ARHGAP40: variants seen among roughly 807,000 people sequenced by gnomAD.
The protein encoded by ARHGAP40 is rho GTPase-activating protein 40.
Under a neutral mutation model 73.5 loss-of-function variants are expected in ARHGAP40, and 43 were observed. The ratio of observed to expected loss-of-function variants is 0.58; its 90% CI spans 0.46 to 0.75. ARHGAP40 has a LOEUF of 0.75. Among genes scored for constraint, ARHGAP40 ranks in the 30% least tolerant of loss-of-function variants. The probability of loss-of-function intolerance (pLI) is 0.00; values close to 1 mark genes in which losing one functional copy is unlikely to be tolerated. For synonymous variants in ARHGAP40, 300 were observed against 352.8 expected, an observed-to-expected ratio of 0.85 and a Z score of 1.68; for missense variants, 734 against 861.8, an observed-to-expected ratio of 0.85 and a Z score of 1.86.
chr20:38,634,012 G>A (rs2088957790), intron 5 of ARHGAP40, among the ~76,000 whole-genome samples: 1 of 152,180 alleles, frequency 6.6e-6, no homozygotes, highest in African/African-American at 2.4e-5. Flanking sequence ...CTATGTGCTT[G>A]GGACTGTACC....
At chr20:38,605,401 A>T (rs2088765634) in intron 1 of ARHGAP40, among the ~76,000 whole-genome samples, 1 of 152,154 alleles carries the variant, frequency 6.6e-6, no homozygotes, top group South Asian at 2.1e-4. Context: ...CTGAGCAGGG[A>T]TGAATAGAGT....
intron 5 of ARHGAP40, among the ~76,000 whole-genome samples, chr20:38,630,060 TTTTCTTTC>T (rs371088762): frequency 2.1e-5 from 3 of 140,426 alleles, no homozygotes; most frequent in Non-Finnish European, 4.8e-5. Context: ...CCTCCTTCTT[TTTTCTTTC>T]TTTCTTTCTT....
intron 1 of ARHGAP40, among the ~76,000 whole-genome samples, chr20:38,616,236 C>T (rs1447937657): frequency 1.3e-5 from 2 of 152,276 alleles, no homozygotes; most frequent in African/African-American, 2.4e-5. Context: ...AGATTCCCTG[C>T]TCAGCAAAGT....
chr20:38,641,072 G>A (rs2089015340), intron 9 of ARHGAP40, among the ~76,000 whole-genome samples: 1 of 148,130 alleles, frequency 6.8e-6, no homozygotes, highest in Admixed American at 6.7e-5. Context: ...GAGAAGGAAA[G>A]AAGGGAAGGA....
chr20:38,647,126 A>G, exon 13 of ARHGAP40: 1 of 1,303,548 alleles, frequency 7.7e-7, no homozygotes, highest in Non-Finnish European at 1.0e-6. Flanking sequence ...CTCCTTCTAC[A>G]GTAAGAGGCA....
exon 5 of ARHGAP40, chr20:38,629,517 G>T (rs1459220241): frequency 7.7e-7 from 1 of 1,305,276 alleles, no homozygotes; most frequent in Non-Finnish European, 1.0e-6. Flanking sequence ...GAGCCTGGGG[G>T]GCTGCAGGAG....
chr20:38,647,131 G>A lies in ARHGAP40; in HGVS notation c.1880+5G>A, dbSNP rs1350829318. On this transcript the variant is annotated splice_donor_5th_base_variant and intron_variant, in intron 13 of 14. Transcript: ENST00000373345. ...CATGGACAGCCTCCTTCTACAGTAA[G>A]AGGCACCTCCTGGAGGCAGGAGCCT... 2 of 1,303,270 alleles carry A rather than the reference G, an allele frequency of 1.5e-6. No homozygotes were observed. The highest frequency in any genetic ancestry group is 2.5e-5 in the South Asian group (2 of 80,882). The allele number at this position is 1,303,270 out of a possible 1,614,324, so 80.7% of individuals were successfully genotyped here.
At chr20:38,607,008 C>T (rs763765095) in intron 1 of ARHGAP40, among the ~76,000 whole-genome samples, 2 of 152,166 alleles carry the variant, frequency 1.3e-5, no homozygotes, top group African/African-American at 2.4e-5. Context: ...TTGTGAACAG[C>T]GGTACCTGCT....
At chr20:38,635,026 T>G (rs2088965446) in intron 6 of ARHGAP40, among the ~76,000 whole-genome samples, 2 of 151,886 alleles carry the variant, frequency 1.3e-5, no homozygotes, top group Admixed American at 1.3e-4. Context: ...AGACTACAGG[T>G]GCGCACCACC....
At chr20:38,602,374 G>A (rs575445528) in intron 1 of ARHGAP40, among the ~76,000 whole-genome samples, 9 of 145,326 alleles carry the variant, frequency 6.2e-5, no homozygotes, top group African/African-American at 2.0e-4. Flanking sequence ...CGTGAGTGAC[G>A]CCAGTATGTG....
intron 1 of ARHGAP40, among the ~76,000 whole-genome samples, chr20:38,606,887 G>A (rs2088773088): frequency 1.3e-5 from 2 of 152,176 alleles, no homozygotes; most frequent in African/African-American, 4.8e-5. Flanking sequence ...AATATGTCAG[G>A]GGTAGAAGGA....
At chr20:38,628,362 T>C (rs2088915982) in intron 3 of ARHGAP40, among the ~76,000 whole-genome samples, 1 of 151,908 alleles carries the variant, frequency 6.6e-6, no homozygotes, top group Non-Finnish European at 1.5e-5. Context: ...TAGAGTGCAG[T>C]GGCGACATCT....
At chr20:38,619,457 T>A (rs138335970) in intron 1 of ARHGAP40, among the ~76,000 whole-genome samples, 98 of 151,816 alleles carry the variant, frequency 6.5e-4, no homozygotes, top group African/African-American at 2.3e-3. Context: ...TCATTAGGGG[T>A]TCATGGGATG....
exon 15 of ARHGAP40, chr20:38,650,563 T>C (rs2089083786): frequency 2.1e-6 from 1 of 466,358 alleles, no homozygotes. Context: ...ATGCTTTACA[T>C]GTTGATTTGT....
At chr20:38,605,822 A>G (rs985917135) in intron 1 of ARHGAP40, among the ~76,000 whole-genome samples, 3 of 152,330 alleles carry the variant, frequency 2.0e-5, no homozygotes, top group South Asian at 2.1e-4. Context: ...TATGTATACT[A>G]TTTTATAAAT....
chr20:38,605,146 G>T (rs370414698), intron 1 of ARHGAP40, among the ~76,000 whole-genome samples: 1 of 152,160 alleles, frequency 6.6e-6, no homozygotes, highest in Non-Finnish European at 1.5e-5. Context: ...TGTAAGCCCG[G>T]ATCTGTTCTG....
At chr20:38,608,815 G>T (rs1189800822) in intron 1 of ARHGAP40, among the ~76,000 whole-genome samples, 3 of 152,142 alleles carry the variant, frequency 2.0e-5, no homozygotes, top group Non-Finnish European at 4.4e-5. Context: ...AAAAATCAAG[G>T]TGTCGGTAGG....
In ARHGAP40 at chr20:38,604,291, G is replaced by A. The variant is rs148930472; in HGVS notation, c.137+2212G>A. Among the ~76,000 whole-genome samples the A allele has an allele frequency of 1.7e-4, 26 of 152,126 alleles. No individual in the cohort carries two copies. The East Asian group carries it at 2.9e-3, about 17-fold the overall frequency. ...TGAATGTGCTTAATAGCTACTGGTTGAATGAACAGATGAAAAATACTTAAG... is the reference window on the plus strand; with the variant it reads ...TGAATGTGCTTAATAGCTACTGGTTAAATGAACAGATGAAAAATACTTAAG... On this transcript the variant is annotated intron_variant, in intron 1 of 14. Coordinates refer to ENST00000373345, the Ensembl canonical transcript of ARHGAP40.
chr20:38,622,119 TA>T (rs200732575), intron 1 of ARHGAP40, among the ~76,000 whole-genome samples: 4,716 of 152,070 alleles, frequency 0.031, 241 homozygotes, highest in African/African-American at 0.11. Context: ...ATTTTTTTTT[TA>T]AAAAGGCAGC....
Sources: allele counts gnomAD v4.1 joint callset (sites outside exome capture counted in the v4.1 genomes callset), GRCh38; gene constraint gnomAD v4.1.1; transcripts MANE v1.5; gene names NCBI Gene and HGNC (gene_info 2026-07-23, HGNC 2026-07-21).